NRXN3: variants seen among roughly 807,000 people sequenced by gnomAD.
NRXN3 encodes the protein neurexin 3.
Under a neutral mutation model 137.6 loss-of-function variants are expected in NRXN3, and 32 were observed. That is an observed-to-expected ratio of 0.23 (90% confidence interval 0.18 to 0.31). The LOEUF (loss-of-function observed/expected upper bound fraction) is 0.31. Among genes scored for constraint, NRXN3 ranks in the 10% least tolerant of loss-of-function variants. NRXN3 has a pLI of 1.00. For missense variants in NRXN3, 1,574 were observed against 2,062.5 expected (o/e 0.76, Z 4.59); for synonymous variants, 798 against 784.5 (o/e 1.02, Z -0.29).
chr14:78,583,920 C>G lies in NRXN3; in HGVS notation c.758-61200C>G, dbSNP rs578003579. ...CTGTCTGCCACAAATAACACAGTTA[C>G]TATTTATTGAGTGTTTCTTATGTGC... On this transcript the variant is annotated intron_variant, in intron 4 of 20. Transcript: ENST00000335750. Among the ~76,000 whole-genome samples, 4 of 152,216 alleles carry G rather than the reference C, an allele frequency of 2.6e-5. No homozygotes were observed. The South Asian group carries it at 8.3e-4, about 32-fold the overall frequency.
intron 2 of NRXN3, among the ~76,000 whole-genome samples, chr14:78,260,502 GA>G (rs566782104): frequency 6.6e-6 from 1 of 152,216 alleles, no homozygotes; most frequent in Non-Finnish European, 1.5e-5. Context: ...CATCCAAGTT[GA>G]AATGGTTTGG....
At chr14:78,562,396 C>CAAAAA (rs752464669) in intron 4 of NRXN3, among the ~76,000 whole-genome samples, 3 of 49,464 alleles carry the variant, frequency 6.1e-5, no homozygotes, top group East Asian at 5.1e-4. Flanking sequence ...ACTTATATCT[C>CAAAAA]AAAAAAAAAA....
chr14:78,184,492 A>G (rs1379473163), intron 1 of NRXN3, among the ~76,000 whole-genome samples: 1 of 152,218 alleles, frequency 6.6e-6, no homozygotes, highest in East Asian at 1.9e-4. Flanking sequence ...TGGCAGTACC[A>G]TATTAGACTC....
At chr14:78,684,406 A>T (rs1309641302) in intron 6 of NRXN3, among the ~76,000 whole-genome samples, 1 of 152,248 alleles carries the variant, frequency 6.6e-6, no homozygotes, top group Non-Finnish European at 1.5e-5. Flanking sequence ...CAAAGCCAGG[A>T]TTTAGCATTG....
chr14:79,080,999 C>T (rs547976667), intron 15 of NRXN3, among the ~76,000 whole-genome samples: 1 of 152,260 alleles, frequency 6.6e-6, no homozygotes, highest in African/African-American at 2.4e-5. Flanking sequence ...TGAATCTCTG[C>T]TTCCCTTCTC....
At chr14:78,934,650 G>C (rs1482473467) in intron 10 of NRXN3, among the ~76,000 whole-genome samples, 5 of 152,152 alleles carry the variant, frequency 3.3e-5, no homozygotes, top group Admixed American at 3.3e-4. Flanking sequence ...ATGAGTTCAT[G>C]TCCTTTGTAG....
chr14:79,338,328 T>C (rs79041249), intron 15 of NRXN3, among the ~76,000 whole-genome samples: 2,440 of 152,050 alleles, frequency 0.016, 70 homozygotes, highest in African/African-American at 0.057. Flanking sequence ...GGATGGTTAC[T>C]TCGTGGAGAG....
chr14:79,816,785 C>T (rs1295450572), intron 20 of NRXN3, among the ~76,000 whole-genome samples: 1 of 152,166 alleles, frequency 6.6e-6, no homozygotes, highest in Non-Finnish European at 1.5e-5. Context: ...ATGTCCTTTG[C>T]TTCCACATTT....
At chr14:78,214,720 C>A (rs1042054240) in intron 1 of NRXN3, among the ~76,000 whole-genome samples, 1 of 152,178 alleles carries the variant, frequency 6.6e-6, no homozygotes, top group South Asian at 2.1e-4. Context: ...CCTTGTTTGC[C>A]CAGCCTCCTT....
intron 10 of NRXN3, among the ~76,000 whole-genome samples, chr14:78,864,997 A>C (rs1274874983): frequency 6.6e-6 from 1 of 152,130 alleles, no homozygotes; most frequent in African/African-American, 2.4e-5. Context: ...AGTCAAAGAG[A>C]TCTTTCTGCT....
chr14:79,626,689 C>G (rs2098285321), intron 16 of NRXN3, among the ~76,000 whole-genome samples: 1 of 152,154 alleles, frequency 6.6e-6, no homozygotes, highest in Non-Finnish European at 1.5e-5. Flanking sequence ...AGTTTCATCT[C>G]TTTATGTCTT....
intron 18 of NRXN3, among the ~76,000 whole-genome samples, chr14:79,695,008 A>G (rs1015490817): frequency 2.6e-5 from 4 of 151,992 alleles, no homozygotes; most frequent in Admixed American, 6.6e-5. Flanking sequence ...ATTCTCAAGA[A>G]TTGATTAGTC....
At chr14:79,858,648 A>C (rs530221325) in intron 20 of NRXN3, among the ~76,000 whole-genome samples, 1 of 152,280 alleles carries the variant, frequency 6.6e-6, no homozygotes, top group African/African-American at 2.4e-5. Flanking sequence ...TTAAAAAAAA[A>C]AATCCTGCCT....
chr14:79,832,098 A>G (rs2099325696), intron 20 of NRXN3, among the ~76,000 whole-genome samples: 1 of 152,150 alleles, frequency 6.6e-6, no homozygotes, highest in Non-Finnish European at 1.5e-5. Flanking sequence ...ATACTTCTAT[A>G]TAATTTAAAT....
intron 15 of NRXN3, among the ~76,000 whole-genome samples, chr14:79,393,373 T>TTA (rs1180025345): frequency 1.3e-5 from 2 of 152,206 alleles, no homozygotes; most frequent in African/African-American, 4.8e-5. Context: ...GGAAAGTCAC[T>TTA]TATATAACTG....
chr14:79,576,103 G>A (rs376730993), intron 16 of NRXN3, among the ~76,000 whole-genome samples: 7 of 152,146 alleles, frequency 4.6e-5, no homozygotes, highest in African/African-American at 1.4e-4. Context: ...TTGGGATGGC[G>A]TCTGTCTCTC....
chr14:78,532,181 C>T (rs951411222), intron 4 of NRXN3, among the ~76,000 whole-genome samples: 35 of 149,646 alleles, frequency 2.3e-4, no homozygotes, highest in Non-Finnish European at 3.4e-4. Flanking sequence ...CAAGTGCGCG[C>T]GTGGTGGCAC....
At chr14:79,535,337 C>T (rs1164270822) in intron 16 of NRXN3, among the ~76,000 whole-genome samples, 4 of 152,064 alleles carry the variant, frequency 2.6e-5, no homozygotes, top group East Asian at 1.9e-4. Flanking sequence ...AGCTTCTTCC[C>T]GCGTAGCATC....
At chr14:78,329,701 G>A (rs1367301803) in intron 4 of NRXN3, among the ~76,000 whole-genome samples, 1 of 152,168 alleles carries the variant, frequency 6.6e-6, no homozygotes, top group Non-Finnish European at 1.5e-5. Context: ...TAATATCCAA[G>A]GAGAAGATAT....
Sources: gnomAD v4.1 joint callset for allele counts (sites outside exome capture counted in the v4.1 genomes callset) on GRCh38, gnomAD v4.1.1 for gene constraint, MANE v1.5 for transcripts, NCBI Gene and HGNC (gene_info 2026-07-23, HGNC 2026-07-21) for gene names.